GPHN: variants seen among roughly 807,000 people sequenced by gnomAD.
GPHN encodes the protein gephyrin.
A neutral mutation model predicts 95.5 loss-of-function variants in GPHN; 17 were observed. The observed-to-expected ratio is 0.18, with a 90% CI of 0.12 to 0.27. The LOEUF (loss-of-function observed/expected upper bound fraction) is 0.27. Ranked by LOEUF, GPHN falls within the 10% of genes least tolerant of loss-of-function variation. The pLI, the probability that GPHN is intolerant of heterozygous loss-of-function variation, is 1.00. For synonymous variants in GPHN, 320 were observed against 322.5 expected (o/e 0.99, Z 0.08); for missense variants, 660 against 978.1 (o/e 0.67, Z 4.34).
chr14:67,464,467 C>A, the GPHN span, among the ~76,000 whole-genome samples: 2 of 152,198 alleles, frequency 1.3e-5, no homozygotes, highest in South Asian at 2.1e-4. Flanking sequence ...CAGGCTCTGA[C>A]CCCTGCCTGC....
chr14:67,693,093 C>A, the GPHN span: 1 of 1,421,244 alleles, frequency 7.0e-7, no homozygotes, highest in Non-Finnish European at 9.8e-7. Context: ...CTTCATTCTA[C>A]TGTCTCAGCC....
At chr14:67,678,182 T>C in the GPHN span, 15 of 613,400 alleles carry the variant, frequency 2.4e-5, no homozygotes, top group Non-Finnish European at 4.4e-5. Context: ...GAGTTTTAAC[T>C]GGACACCAAG....
chr14:67,601,879 TAA>T, the GPHN span, among the ~76,000 whole-genome samples: 4 of 146,150 alleles, frequency 2.7e-5, no homozygotes, highest in Non-Finnish European at 3.0e-5. Flanking sequence ...TATATTCATT[TAA>T]AAAAAAAAAA....
chr14:67,570,098 G>A, the GPHN span: 11 of 963,682 alleles, frequency 1.1e-5, no homozygotes, highest in South Asian at 1.5e-4. Flanking sequence ...GGGCTCTAGG[G>A]CCAGGCTTCT....
chr14:67,599,844 G>C, the GPHN span, among the ~76,000 whole-genome samples: 3 of 152,166 alleles, frequency 2.0e-5, no homozygotes, highest in Non-Finnish European at 4.4e-5. Flanking sequence ...TTCACTAAAC[G>C]TCATTTAAAG....
intron 1 of GPHN, among the ~76,000 whole-genome samples, chr14:66,590,792 TA>T (rs1321037506): frequency 6.6e-6 from 1 of 152,158 alleles, no homozygotes; most frequent in Non-Finnish European, 1.5e-5. Flanking sequence ...GAATCCTCCC[TA>T]ACTCATTTTT....
intron 2 of GPHN, among the ~76,000 whole-genome samples, chr14:66,758,803 T>A (rs973085509): frequency 1.3e-5 from 2 of 152,192 alleles, no homozygotes; most frequent in African/African-American, 4.8e-5. Context: ...ACTAGAATAT[T>A]GATCCAGAAT....
chr14:66,940,315 T>G (rs777397938), intron 8 of GPHN, among the ~76,000 whole-genome samples: 6 of 151,990 alleles, frequency 3.9e-5, no homozygotes, highest in Non-Finnish European at 7.4e-5. Context: ...GGATACAGAC[T>G]GAAGATTAAT....
At chr14:67,355,276 A>T in the GPHN span, among the ~76,000 whole-genome samples, 3 of 151,904 alleles carry the variant, frequency 2.0e-5, no homozygotes, top group African/African-American at 7.3e-5. Context: ...GACAAGCTAA[A>T]TTTACACTGA....
At chr14:66,755,877 A>G (rs941944749) in intron 2 of GPHN, among the ~76,000 whole-genome samples, 1 of 152,148 alleles carries the variant, frequency 6.6e-6, no homozygotes, top group Non-Finnish European at 1.5e-5. Flanking sequence ...TACCAAATAA[A>G]TATTTGGGCT....
chr14:66,910,301 A>G (rs956669320), intron 5 of GPHN, among the ~76,000 whole-genome samples: 5 of 151,998 alleles, frequency 3.3e-5, no homozygotes, highest in African/African-American at 1.2e-4. Context: ...AATTGAAAGA[A>G]TTTTACAGTG....
At chr14:66,534,749 T>G (rs1226037951) in intron 1 of GPHN, among the ~76,000 whole-genome samples, 9 of 152,174 alleles carry the variant, frequency 5.9e-5, no homozygotes, top group Admixed American at 1.3e-4. Flanking sequence ...CTGGTCAGTG[T>G]GCACTGGCTT....
At chr14:67,571,051 A>T in the GPHN span, 6 of 152,334 alleles carry the variant, frequency 3.9e-5, no homozygotes, top group African/African-American at 1.4e-4. Context: ...GGTGTCCAGT[A>T]CCCTTGGTAT....
At chr14:67,483,000 G>A in the GPHN span, among the ~76,000 whole-genome samples, 5 of 152,138 alleles carry the variant, frequency 3.3e-5, no homozygotes, top group Non-Finnish European at 7.4e-5. Flanking sequence ...AAGAGGCTAC[G>A]TTCTTTTTTT....
At chr14:66,664,840 C>T (rs546520724) in intron 1 of GPHN, among the ~76,000 whole-genome samples, 1 of 151,826 alleles carries the variant, frequency 6.6e-6, no homozygotes, top group African/African-American at 2.4e-5. Context: ...TTATAAACAC[C>T]TCTATCTGTA....
intron 3 of GPHN, among the ~76,000 whole-genome samples, chr14:66,814,372 C>T (rs533071946): frequency 6.6e-6 from 1 of 152,200 alleles, no homozygotes; most frequent in South Asian, 2.1e-4. Flanking sequence ...GCCTCCACCA[C>T]TATGGTGAAC....
intron 1 of GPHN, among the ~76,000 whole-genome samples, chr14:66,580,646 A>G (rs1486720920): frequency 1.3e-5 from 2 of 151,850 alleles, no homozygotes; most frequent in African/African-American, 2.4e-5. Context: ...GAAAATCTGT[A>G]TAAACTACTA....
the GPHN span, chr14:67,365,013 G>A: frequency 4.4e-6 from 7 of 1,576,276 alleles, no homozygotes; most frequent in Non-Finnish European, 5.2e-6. Context: ...AAAAAGGTAA[G>A]TGAGAAAAAT....
intron 11 of GPHN, among the ~76,000 whole-genome samples, chr14:67,063,418 C>G (rs2075903786): frequency 6.6e-6 from 1 of 152,090 alleles, no homozygotes; most frequent in Admixed American, 6.5e-5. Flanking sequence ...AATGAGAGCT[C>G]TTTTTTGGTT....
Sources: allele counts gnomAD v4.1 joint callset (sites outside exome capture counted in the v4.1 genomes callset), GRCh38; gene constraint gnomAD v4.1.1; transcripts MANE v1.5; gene names NCBI Gene and HGNC (gene_info 2026-07-23, HGNC 2026-07-21).